The following ZNF493 variants were observed in gnomAD, a reference collection of about 807,000 sequenced individuals.
ZNF493 encodes zinc finger protein 493.
A neutral mutation model predicts 12.2 loss-of-function variants in ZNF493; 11 were observed. That is an observed-to-expected ratio of 0.90 (90% CI 0.57 to 1.50). The LOEUF (loss-of-function observed/expected upper bound fraction) is 1.50. ZNF493 is among the 40% of genes most tolerant of loss of function. The pLI is 0.00. For missense variants in ZNF493, 950 were observed against 906.6 expected (o/e 1.05, Z -0.61); for synonymous variants, 286 against 302.6 (o/e 0.95, Z 0.57).
At position 21,424,880 on chromosome 19, in the gene ZNF493, T is replaced by C. The variant is rs2030811617; in HGVS notation, c.2221T>C (p.Tyr741His). 6.2e-7 allele frequency: 1 copy of C among 1,613,338 alleles called. No homozygotes were observed. The highest frequency in any genetic ancestry group is 1.3e-5 in the African/African-American group (1 of 74,868). Residue 741 changes from tyrosine to histidine, a missense_variant, in exon 4 of 4, where the codon TAC (tyrosine) becomes CAC (histidine). By Grantham distance (83) the Tyr-to-His change is moderately conservative (BLOSUM62 2). Coordinates refer to ENST00000392288, the MANE Select transcript of ZNF493 (RefSeq NM_001076678.3). ...GCTAATTCATACTGGAGACAAACCCTACAAATGTGAAGCATGTGGCAAAGC... is the reference window on the plus strand; with the variant it reads ...GCTAATTCATACTGGAGACAAACCCCACAAATGTGAAGCATGTGGCAAAGC... ...HKLIHTGDKP[Y>H]KCEACGKAFR... is the part of the protein sequence containing the mutation.
At chr19:21,415,447 T>C (rs1166915792) in intron 3 of ZNF493, among the ~76,000 whole-genome samples, 1 of 152,200 alleles carries the variant, frequency 6.6e-6, no homozygotes, top group East Asian at 1.9e-4. Flanking sequence ...TATTGTTCCT[T>C]TCTGTGGCAC....
intron 3 of ZNF493, chr19:21,408,518 A>G (rs1404639551): frequency 3.0e-6 from 3 of 984,214 alleles, no homozygotes; most frequent in African/African-American, 1.7e-5. Flanking sequence ...TTTACTGCCA[A>G]TTTTTCAAAA....
intron 3 of ZNF493, chr19:21,408,135 T>G (rs953093912): frequency 2.1e-6 from 2 of 961,866 alleles, no homozygotes; most frequent in African/African-American, 3.8e-5. Flanking sequence ...TTTTTTTTTT[T>G]TTTTTTTTGA....
intron 1 of ZNF493, chr19:21,397,634 G>T (rs1027069439): frequency 8.4e-6 from 4 of 475,008 alleles, no homozygotes; most frequent in African/African-American, 5.9e-5. Flanking sequence ...GGTCCGTGGG[G>T]TTCCCAGTTG....
intron 3 of ZNF493, among the ~76,000 whole-genome samples, chr19:21,416,343 C>A (rs1044300091): frequency 6.6e-6 from 1 of 152,064 alleles, no homozygotes; most frequent in African/African-American, 2.4e-5. Flanking sequence ...CTTGTGCTCC[C>A]CATTGTTGTA....
intron 3 of ZNF493, among the ~76,000 whole-genome samples, 162 bp from the exon 4 acceptor site, chr19:21,422,748 ATAT>A (rs1158152620): frequency 6.6e-6 from 1 of 152,032 alleles, no homozygotes; most frequent in Non-Finnish European, 1.5e-5. Flanking sequence ...TTTCTCAGAT[ATAT>A]TTTGGTTAGT....
chr19:21,412,728 G>A (rs2030363527), intron 3 of ZNF493: 2 of 257,102 alleles, frequency 7.8e-6, no homozygotes, highest in Non-Finnish European at 1.5e-5. Flanking sequence ...GCTCCATTAA[G>A]CACTCCAGTT....
At position 21,425,063 on chromosome 19, in the gene ZNF493, T is replaced by A; in HGVS notation, c.*79T>A. 6.9e-7 allele frequency: 1 copy of A among 1,457,916 alleles called. No homozygotes were observed. The highest frequency in any genetic ancestry group is 9.4e-7 in the Non-Finnish European group (1 of 1,060,898). 90.3% of individuals were successfully genotyped at this position (1,457,916 alleles called of 1,614,324 possible). Reference sequence around the variant, plus strand: ...AAGCTTTTCACCAGTACTTTACCCTTAATACACATAAGATAATTAATGCTG... The same window carrying A: ...AAGCTTTTCACCAGTACTTTACCCTAAATACACATAAGATAATTAATGCTG... On this transcript the variant is annotated 3_prime_UTR_variant, in exon 4 of 4. Transcript: ENST00000392288.
chr19:21,418,046 ACTCT>A (rs1020284373), intron 3 of ZNF493, among the ~76,000 whole-genome samples: 2 of 151,968 alleles, frequency 1.3e-5, no homozygotes, highest in African/African-American at 2.4e-5. Context: ...CCTCTATATC[ACTCT>A]CTCGTCTAGC....
intron 3 of ZNF493, chr19:21,408,010 T>C: frequency 1.0e-6 from 1 of 985,232 alleles, no homozygotes; most frequent in Non-Finnish European, 1.2e-6. Context: ...CCTCTGGGTT[T>C]GTAGTGGAGT....
At chr19:21,405,054 C>A in intron 1 of ZNF493, 75 bp from the exon 2 acceptor site, 2 of 1,533,836 alleles carry the variant, frequency 1.3e-6, no homozygotes, top group Non-Finnish European at 1.7e-6. Context: ...CTCATTTGAC[C>A]TTAATTCAAA....
intron 2 of ZNF493, 94 bp downstream of exon 2, chr19:21,405,349 T>C (rs1184505010): frequency 5.9e-6 from 9 of 1,531,568 alleles, no homozygotes; most frequent in South Asian, 1.3e-5. Context: ...ATGCTTTGCA[T>C]AAGTGAGTTT....
At chr19:21,420,663 TTGAC>T (rs2030649357) in intron 3 of ZNF493, among the ~76,000 whole-genome samples, 4 of 121,290 alleles carry the variant, frequency 3.3e-5, no homozygotes, top group Non-Finnish European at 6.7e-5. Context: ...TTTCAGAACT[TTGAC>T]TATATCACAC....
chr19:21,420,629 T>A (rs1199828782), intron 3 of ZNF493, among the ~76,000 whole-genome samples: 185 of 67,616 alleles, frequency 2.7e-3, no homozygotes, highest in Non-Finnish European at 3.6e-3. Context: ...ATATATTTTT[T>A]TTTTTTTTTT....
chr19:21,415,540 G>C (rs1312417978), intron 3 of ZNF493, among the ~76,000 whole-genome samples: 1 of 152,180 alleles, frequency 6.6e-6, no homozygotes, highest in Non-Finnish European at 1.5e-5. Flanking sequence ...AAGTAAACCA[G>C]TGCAAGAAAT....
In ZNF493 at chr19:21,425,107, G is replaced by A. The variant is rs1361398769; in HGVS notation, c.*123G>A. On this transcript the variant is annotated 3_prime_UTR_variant, in exon 4 of 4. Transcript: ENST00000392288. ...AATGCTGGAGAGAAACCCTACAAAT[G>A]TGAAGAATGTGGCAAAGATTTCTAT... The A allele has an allele frequency of 2.6e-6, 3 of 1,169,334 alleles. No individual in the cohort carries two copies. The highest frequency in any genetic ancestry group is 1.3e-6 in the Non-Finnish European group (1 of 787,942). The allele number at this position is 1,169,334 out of a possible 1,614,324, so 72.4% of individuals were successfully genotyped here. A position where few individuals can be genotyped will look rare whatever the true frequency, so the allele number is the denominator to read the frequency against.
At chr19:21,397,353 C>T (rs763072768) in intron 1 of ZNF493, 86 bp downstream of exon 1, 10 of 1,490,812 alleles carry the variant, frequency 6.7e-6, no homozygotes, top group Non-Finnish European at 8.4e-6. Context: ...ACTCAGGCCT[C>T]CCCGCAGTCA....
rs2030529923 is a variant in ZNF493 at position 21,417,519 on chromosome 19, C to T, written c.254-5394C>T. On this transcript the variant is annotated intron_variant, in intron 3 of 3. Coordinates refer to ENST00000392288, the MANE Select transcript of ZNF493 (RefSeq NM_001076678.3). ...AATCTGTAATCACCTTTTTAAGAGA[C>T]TCCTGTAACCAAGCTGTAAAATCCA... 4.6e-5 allele frequency among the ~76,000 whole-genome samples: 7 copies of T among 152,288 alleles called. No individual in the cohort carries two copies. The South Asian group carries it at 1.4e-3, about 32-fold the overall frequency.
chr19:21,426,083 C>T lies in ZNF493; in HGVS notation c.*1099C>T, dbSNP rs1335242730. The T allele has an allele frequency of 3.0e-6, 1 of 329,450 alleles. No homozygotes were observed. The highest frequency in any genetic ancestry group is 7.4e-5 in the East Asian group (1 of 13,458). 20.4% of individuals were successfully genotyped at this position (329,450 alleles called of 1,614,324 possible). On this transcript the variant is annotated 3_prime_UTR_variant, in exon 4 of 4. Transcript: ENST00000392288. ...AGTTCTTAACACACATACGATAATT[C>T]TTACTGCAGAGAAACTCTACAAACC...
Sources: gnomAD v4.1 joint callset for allele counts (sites outside exome capture counted in the v4.1 genomes callset) on GRCh38, gnomAD v4.1.1 for gene constraint, MANE v1.5 for transcripts, NCBI Gene and HGNC (gene_info 2026-07-23, HGNC 2026-07-21) for gene names.